Variants in FBXW8 observed in about 807,000 individuals in gnomAD.
FBXW8 encodes the protein F-box/WD repeat-containing protein 8.
In FBXW8, 57 loss-of-function variants were observed where a neutral mutation model predicts 65.3. That is an observed-to-expected ratio of 0.87 (90% confidence interval 0.71 to 1.09). The LOEUF is 1.09. Among genes scored for constraint, FBXW8 ranks in the 50% least tolerant of loss-of-function variants. FBXW8 has a pLI of 0.00. For synonymous variants in FBXW8, 308 were observed against 330.2 expected (o/e 0.93, Z 0.73); for missense variants, 777 against 814.8 (o/e 0.95, Z 0.57).
chr12:116,963,122 G>T (rs1295172299), intron 4 of FBXW8, among the ~76,000 whole-genome samples: 1 of 152,202 alleles, frequency 6.6e-6, no homozygotes, highest in Non-Finnish European at 1.5e-5. Context: ...CTCCCGTTTG[G>T]CTCTTTATCC....
intron 5 of FBXW8, among the ~76,000 whole-genome samples, chr12:116,976,586 GCTGGGATTACAGGCATGCA>G: frequency 6.7e-6 from 1 of 149,426 alleles, no homozygotes; most frequent in South Asian, 2.1e-4. Flanking sequence ...CTCCTGAGTA[GCTGGGATTACAGGCATGCA>G]CCACCACACC....
intron 5 of FBXW8, among the ~76,000 whole-genome samples, chr12:116,972,691 A>G (rs929668273): frequency 6.6e-6 from 1 of 152,206 alleles, no homozygotes; most frequent in African/African-American, 2.4e-5. Flanking sequence ...GGAAGGCTCA[A>G]GTACGGAAAG....
intron 3 of FBXW8, 54 bp downstream of exon 3, chr12:116,945,582 G>T: frequency 6.4e-7 from 1 of 1,552,506 alleles, no homozygotes. Flanking sequence ...AAGGACATGG[G>T]AATCCAAGCT....
chr12:116,915,469 A>T (rs181668325), intron 1 of FBXW8, among the ~76,000 whole-genome samples: 1 of 152,062 alleles, frequency 6.6e-6, no homozygotes, highest in Non-Finnish European at 1.5e-5. Context: ...GTACACATCC[A>T]TGTAAACAGC....
chr12:117,023,340 G>C (rs186061928), intron 8 of FBXW8, among the ~76,000 whole-genome samples: 2 of 152,046 alleles, frequency 1.3e-5, no homozygotes, highest in East Asian at 1.9e-4. Flanking sequence ...TTTCCTTTTC[G>C]ACTTGCATCA....
At chr12:117,005,920 C>A (rs1253352559) in intron 7 of FBXW8, among the ~76,000 whole-genome samples, 1 of 152,248 alleles carries the variant, frequency 6.6e-6, no homozygotes, top group Admixed American at 6.5e-5. Context: ...CGTGCCTCTT[C>A]TCTTATACTC....
intron 2 of FBXW8, among the ~76,000 whole-genome samples, chr12:116,942,610 G>A (rs1291544615): frequency 1.3e-5 from 2 of 151,610 alleles, no homozygotes; most frequent in African/African-American, 2.4e-5. Flanking sequence ...TTCTGACCTC[G>A]TGATCCACCT....
chr12:116,967,505 A>G (rs929341915), intron 5 of FBXW8, among the ~76,000 whole-genome samples: 2 of 152,206 alleles, frequency 1.3e-5, no homozygotes, highest in Non-Finnish European at 2.9e-5. Context: ...AGGTTTCACC[A>G]GTTTATAGTG....
At chr12:116,957,721 C>A (rs1417115830) in intron 4 of FBXW8, among the ~76,000 whole-genome samples, 1 of 152,162 alleles carries the variant, frequency 6.6e-6, no homozygotes, top group Non-Finnish European at 1.5e-5. Context: ...TATAGATTTT[C>A]TGCTGCTAGT....
rs1273371991 is a variant in FBXW8 at position 116,964,721 on chromosome 12, G to T, written c.702G>T (p.Val234=). The stretch of plus-strand genomic sequence containing the variant: ...GATATACATCAGGGGATGTGAGAGT[G>T]TGGGACACCCGCACCTGGGACTACG... ...IAGYTSGDVR[V]WDTRTWDYVA... Residue 234 remains valine (V), a synonymous_variant, in exon 5 of 11, where the codon GTG becomes GTT. Transcript: ENST00000652555. 6.2e-7 allele frequency: 1 copy of T among 1,613,690 alleles called. No individual in the cohort carries two copies. Among genetic ancestry groups the T allele is most frequent in the Non-Finnish European group, 8.5e-7 (1 of 1,180,018 alleles).
At chr12:116,954,893 A>T (rs770434205) in intron 4 of FBXW8, among the ~76,000 whole-genome samples, 66 of 151,930 alleles carry the variant, frequency 4.3e-4, no homozygotes, top group Admixed American at 8.5e-4. Flanking sequence ...ACCTCCCTCC[A>T]GCTGGCTCCA....
chr12:116,934,233 T>G (rs899702185), intron 2 of FBXW8, among the ~76,000 whole-genome samples: 1 of 152,152 alleles, frequency 6.6e-6, no homozygotes, highest in Non-Finnish European at 1.5e-5. Flanking sequence ...CCTGCTACAT[T>G]AGTTTGTGAT....
At chr12:116,930,291 C>A (rs1881669842) in intron 2 of FBXW8, among the ~76,000 whole-genome samples, 1 of 152,208 alleles carries the variant, frequency 6.6e-6, no homozygotes, top group Admixed American at 6.5e-5. Flanking sequence ...TAACAGTGTG[C>A]AAGGGTTCCC....
At chr12:116,916,019 C>T (rs1880378977) in intron 1 of FBXW8, among the ~76,000 whole-genome samples, 2 of 152,210 alleles carry the variant, frequency 1.3e-5, no homozygotes, top group South Asian at 4.2e-4. Context: ...AGTCAAACAG[C>T]ACATACTCAT....
At position 116,924,339 on chromosome 12, in the gene FBXW8, C is replaced by T. The variant is rs182843209; in HGVS notation, c.319-3684C>T. On this transcript the variant is annotated intron_variant, in intron 1 of 10. Transcript: ENST00000652555. ...TATAATTGTACATATTTATGGGGCA[C>T]GGTGTCATATATGTATACAATGTAT... is the stretch of plus-strand genomic sequence containing the variant. 2.0e-4 allele frequency among the ~76,000 whole-genome samples: 30 copies of T among 152,076 alleles called. No individual in the cohort carries two copies. In the East Asian group the frequency reaches 4.3e-3, roughly 22 times the overall value.
intron 7 of FBXW8, among the ~76,000 whole-genome samples, chr12:117,001,575 T>C (rs1224397324): frequency 6.6e-6 from 1 of 152,196 alleles, no homozygotes; most frequent in Non-Finnish European, 1.5e-5. Flanking sequence ...TTTAAAGAGT[T>C]CACTTCATAG....
At chr12:116,948,707 A>G (rs1379519677) in intron 3 of FBXW8, 1 of 152,166 alleles carries the variant, frequency 6.6e-6, no homozygotes, top group Non-Finnish European at 1.5e-5. Flanking sequence ...AACCTCCCAC[A>G]TGTAAATACT....
At chr12:116,965,687 C>T (rs191208713) in intron 5 of FBXW8, among the ~76,000 whole-genome samples, 8 of 152,154 alleles carry the variant, frequency 5.3e-5, no homozygotes, top group Admixed American at 3.3e-4. Context: ...AGGAACAAAA[C>T]TAAAGTAGCT....
intron 5 of FBXW8, among the ~76,000 whole-genome samples, chr12:116,969,410 G>A (rs576480472): frequency 7.2e-5 from 11 of 152,240 alleles, no homozygotes; most frequent in African/African-American, 2.2e-4. Flanking sequence ...TCCCCCTTCA[G>A]TTTAACAGAT....
Sources: gnomAD v4.1 joint callset for allele counts (sites outside exome capture counted in the v4.1 genomes callset) on GRCh38, gnomAD v4.1.1 for gene constraint, MANE v1.5 for transcripts, NCBI Gene and HGNC (gene_info 2026-07-23, HGNC 2026-07-21) for gene names.